Variants in KDM2A observed in about 807,000 individuals in gnomAD.
KDM2A encodes lysine-specific demethylase 2A.
KDM2A carries 3 observed loss-of-function variants against 137.3 expected under a neutral mutation model. The observed-to-expected ratio is 0.02, with a 90% CI of 0.01 to 0.06. The LOEUF (loss-of-function observed/expected upper bound fraction) is 0.06, where lower values mean the gene tolerates loss of function less well. KDM2A is among the 10% of genes least tolerant of loss of function. The pLI is 1.00. For synonymous variants in KDM2A, 512 were observed against 541.5 expected, an observed-to-expected ratio of 0.95 and a Z score of 0.76; for missense variants, 738 against 1,510.6, an observed-to-expected ratio of 0.49 and a Z score of 8.48.
At chr11:67,129,788 G>A (rs544391635) in intron 2 of KDM2A, among the ~76,000 whole-genome samples, 1 of 150,330 alleles carries the variant, frequency 6.7e-6, no homozygotes, top group Admixed American at 6.6e-5. Context: ...GCACATGCCT[G>A]TAATCCCAGC....
At position 67,139,269 on chromosome 11, in the gene KDM2A, G is replaced by C. The variant is rs542409651; in HGVS notation, c.42+17911G>C. 1.7e-3 allele frequency among the ~76,000 whole-genome samples: 261 copies of C among 151,750 alleles called. 3 individuals carry two copies. The highest frequency in any genetic ancestry group is 6.2e-3 in the African/African-American group (257 of 41,358). Reference sequence around the variant, plus strand: ...CTTTTTTCTTTTTTCTTTTGAGACGGAGTCTCGCTTTGTCCCCCAGGCTGG... The same window carrying C: ...CTTTTTTCTTTTTTCTTTTGAGACGCAGTCTCGCTTTGTCCCCCAGGCTGG... On this transcript the variant is annotated intron_variant, in intron 2 of 20. Transcript: ENST00000529006.
chr11:67,132,935 A>C (rs1018991227), intron 2 of KDM2A, among the ~76,000 whole-genome samples: 8 of 152,188 alleles, frequency 5.3e-5, no homozygotes, highest in Admixed American at 2.0e-4. Flanking sequence ...ATAGGTAGAA[A>C]TGGAAAGGAA....
rs1859636466 is a variant in KDM2A at position 67,256,999 on chromosome 11, G to A, written c.*1944G>A. Reference sequence around the variant, plus strand: ...TTCTCTGTAAAGAACCCTGGGTATTGAGCAAAAACCTTATTATCGTTAATG... The same window carrying A: ...TTCTCTGTAAAGAACCCTGGGTATTAAGCAAAAACCTTATTATCGTTAATG... On this transcript the variant is annotated 3_prime_UTR_variant, in exon 21 of 21. Transcript: ENST00000529006. 6.5e-6 allele frequency: 1 copy of A among 152,700 alleles called. No individual in the cohort carries two copies. Among genetic ancestry groups the A allele is most frequent in the South Asian group, 2.1e-4 (1 of 4,822 alleles). The allele number at this position is 152,700 out of a possible 1,614,324, so 9.5% of individuals were successfully genotyped here.
At chr11:67,190,364 T>C (rs986564801) in intron 5 of KDM2A, among the ~76,000 whole-genome samples, 3 of 151,660 alleles carry the variant, frequency 2.0e-5, no homozygotes, top group African/African-American at 7.3e-5. Context: ...GAGCCAAGAT[T>C]GCACCACTGC....
At chr11:67,178,474 C>A (rs986946837) in intron 2 of KDM2A, among the ~76,000 whole-genome samples, 2 of 152,136 alleles carry the variant, frequency 1.3e-5, no homozygotes, top group Non-Finnish European at 2.9e-5. Flanking sequence ...CATACAAATA[C>A]CACTATCTAA....
intron 2 of KDM2A, among the ~76,000 whole-genome samples, chr11:67,124,159 A>G (rs564452576): frequency 7.8e-4 from 117 of 150,338 alleles, no homozygotes; most frequent in Non-Finnish European, 1.4e-3. Context: ...GCCCACCACC[A>G]CACCCAGCTA....
At chr11:67,247,445 T>TTTA (rs1555100559) in intron 15 of KDM2A, among the ~76,000 whole-genome samples, 6 of 147,784 alleles carry the variant, frequency 4.1e-5, no homozygotes, top group South Asian at 2.2e-4. Flanking sequence ...TTTTTTTTTT[T>TTTA]AAGACATGGT....
intron 13 of KDM2A, chr11:67,244,944 C>T: frequency 2.3e-6 from 1 of 440,644 alleles, no homozygotes; most frequent in Non-Finnish European, 4.1e-6. Flanking sequence ...CGAGATCATG[C>T]CACTGTATTC....
intron 15 of KDM2A, among the ~76,000 whole-genome samples, chr11:67,246,456 A>G (rs1218804490): frequency 6.6e-6 from 1 of 152,150 alleles, no homozygotes; most frequent in African/African-American, 2.4e-5. Context: ...CATCTCTGAT[A>G]CATACTTCAG....
At chr11:67,152,603 G>T (rs1856418200) in intron 2 of KDM2A, among the ~76,000 whole-genome samples, 1 of 149,778 alleles carries the variant, frequency 6.7e-6, no homozygotes, top group South Asian at 2.1e-4. Context: ...GTAAGACCCT[G>T]TTACAAAAAA....
Position 67,250,709 on chromosome 11 carries a change from G to A in KDM2A, c.2679G>A (p.Met893Ile). 1 of 1,583,894 alleles carries A rather than the reference G, an allele frequency of 6.3e-7. No homozygotes were observed. The highest frequency in any genetic ancestry group is 8.6e-7 in the Non-Finnish European group (1 of 1,163,888). ...CTCAGGATGGAGACGAAAGCTGGAT[G>A]CAGCGGGAGGTCTGGATGTCTGTCT... ...SWAQDGDESW[M>I]QREVWMSVFR... The change falls in exon 17 of 21, where the codon ATG becomes ATA. Residue 893 changes from methionine (M) to isoleucine (I), a missense_variant. By Grantham distance (10) the Met-to-Ile change is conservative. This residue lies in a region of KDM2A where 244 missense variants were observed against 324.6 expected (regional missense o/e 0.75). Coordinates refer to ENST00000529006, the MANE Select transcript of KDM2A (RefSeq NM_012308.3). The surrounding 1 kb of genome is among the most constrained non-coding windows in gnomAD (Gnocchi z 7.1).
chr11:67,226,946 T>TA (rs933977657), intron 10 of KDM2A, among the ~76,000 whole-genome samples: 19 of 150,462 alleles, frequency 1.3e-4, no homozygotes, highest in South Asian at 2.1e-4. Context: ...CTCTAAAAGT[T>TA]AAAAAAAAAT....
Position 67,248,380 on chromosome 11 carries a change from C to T in KDM2A, c.2055+10C>T. 2 of 1,582,484 alleles carry T rather than the reference C, an allele frequency of 1.3e-6. No homozygotes were observed. The highest frequency in any genetic ancestry group is 1.7e-6 in the Non-Finnish European group (2 of 1,160,778). On this transcript the variant is annotated intron_variant, in intron 16 of 20. Transcript: ENST00000529006. ...CTCGGAGAAAGCCCAGGTAAAGGAACCTTATCAGATTTGCACTGTGACAGA... is the reference window on the plus strand; with the variant it reads ...CTCGGAGAAAGCCCAGGTAAAGGAATCTTATCAGATTTGCACTGTGACAGA...
At chr11:67,194,952 CAAT>C (rs1261802893) in intron 5 of KDM2A, among the ~76,000 whole-genome samples, 1 of 152,176 alleles carries the variant, frequency 6.6e-6, no homozygotes, top group Non-Finnish European at 1.5e-5. Flanking sequence ...ATTGGCTTCT[CAAT>C]TATTACAGGA....
intron 2 of KDM2A, among the ~76,000 whole-genome samples, chr11:67,170,408 CTTTTTT>C (rs923665021): frequency 4.3e-5 from 4 of 92,840 alleles, no homozygotes; most frequent in African/African-American, 1.4e-4. Flanking sequence ...TTCTTTCTTT[CTTTTTT>C]TTTTTTTTTT....
rs550987727 is a variant in KDM2A at position 67,135,896 on chromosome 11, G to A, written c.42+14538G>A. 1.1e-4 allele frequency among the ~76,000 whole-genome samples: 17 copies of A among 152,206 alleles called. No individual in the cohort carries two copies. The South Asian group carries it at 2.5e-3, about 22-fold the overall frequency. On this transcript the variant is annotated intron_variant, in intron 2 of 20. Transcript: ENST00000529006. Reference sequence around the variant, plus strand: ...ACACCCTGTAGAACTATGAACTGATGTTTCTACCCACTACTGAAGTCTAGA... The same window carrying A: ...ACACCCTGTAGAACTATGAACTGATATTTCTACCCACTACTGAAGTCTAGA...
At position 67,231,724 on chromosome 11, in the gene KDM2A, C is replaced by A; in HGVS notation, c.1243C>A (p.Pro415Thr). The stretch of plus-strand genomic sequence containing the variant: ...ACTGGGCAAAACCTGCCGAAGTCTT[C>A]CAAGTCTGAAGAAAACTTTGGCTGG... Reference protein sequence around the residue: ...DGLGKTCRSLPSLKKTLAGDS... With the variant: ...DGLGKTCRSLTSLKKTLAGDS... Residue 415 changes from proline to threonine, a missense_variant, in exon 12 of 21, where the codon CCA becomes ACA. Physicochemically the swap from Pro to Thr is conservative, Grantham distance 38. Transcript: ENST00000529006. 6.2e-7 allele frequency: 1 copy of A among 1,613,990 alleles called. No homozygotes were observed. The highest frequency in any genetic ancestry group is 8.5e-7 in the Non-Finnish European group (1 of 1,179,878).
In KDM2A at chr11:67,188,684, A is replaced by G. The variant is rs151143145; in HGVS notation, c.307+6792A>G. Among the ~76,000 whole-genome samples, 774 of 150,082 alleles carry G rather than the reference A, an allele frequency of 5.2e-3. 7 individuals carry two copies. Among genetic ancestry groups the G allele is most frequent in the Non-Finnish European group, 8.6e-3 (581 of 67,594 alleles). ...CACATGCCTGTAGTCTAAGCTACTC[A>G]GGAAGCTGAGGTGGGAGTGTCACTT... is the stretch of plus-strand genomic sequence containing the variant. On this transcript the variant is annotated intron_variant, in intron 5 of 20. Coordinates refer to ENST00000529006, the MANE Select transcript of KDM2A (RefSeq NM_012308.3).
intron 16 of KDM2A, among the ~76,000 whole-genome samples, chr11:67,249,267 T>C (rs1477002028): frequency 6.6e-6 from 1 of 152,216 alleles, no homozygotes; most frequent in East Asian, 1.9e-4. Flanking sequence ...CTGTAGCAGA[T>C]GTGTTGTTGG....
Sources: gnomAD v4.1 joint callset for allele counts (sites outside exome capture counted in the v4.1 genomes callset) on GRCh38, gnomAD v4.1.1 for gene constraint, gnomAD v4.1.1 regional missense constraint, Gnocchi (gnomAD v3.1) non-coding constraint, MANE v1.5 for transcripts, NCBI Gene and HGNC (gene_info 2026-07-23, HGNC 2026-07-21) for gene names.